Variants in NRAP observed in about 807,000 individuals in gnomAD.
NRAP encodes nebulin-related-anchoring protein.
A neutral mutation model predicts 225.9 loss-of-function variants in NRAP; 189 were observed. The observed-to-expected ratio is 0.84, with a 90% CI of 0.74 to 0.94. The LOEUF is 0.94. NRAP is among the 40% of genes least tolerant of loss of function. The pLI is 0.00. For missense variants in NRAP, 2,176 were observed against 2,168.7 expected (o/e 1.00, Z -0.07); for synonymous variants, 769 against 790.7 (o/e 0.97, Z 0.46).
chr10:113,655,086 T>C (rs1850225920), intron 4 of NRAP, among the ~76,000 whole-genome samples: 2 of 152,182 alleles, frequency 1.3e-5, no homozygotes, highest in South Asian at 4.1e-4. Flanking sequence ...TATTCATATG[T>C]GAAATTATAC....
intron 38 of NRAP, among the ~76,000 whole-genome samples, chr10:113,594,278 A>G (rs1355978691): frequency 6.6e-6 from 1 of 152,264 alleles, no homozygotes; most frequent in East Asian, 1.9e-4. Context: ...AATTGTGCGT[A>G]TTCTACACGC....
Position 113,598,050 on chromosome 10 carries a change from G to C in NRAP, c.4251C>G (p.Ile1417Met). Residue 1417 changes from isoleucine to methionine, a missense_variant, in exon 36 of 42, where the codon ATC becomes ATG. Transcript: ENST00000359988. Reference sequence around the variant, plus strand: ...CCAGCCATCCTATGCCCTTCATGCCGATCAGGTCTGACTTGTAGCGCAACT... The same window carrying C: ...CCAGCCATCCTATGCCCTTCATGCCCATCAGGTCTGACTTGTAGCGCAACT... ...QSELRYKSDL[I>M]GMKGIGWLAL... The C allele has an allele frequency of 6.2e-7, 1 of 1,613,392 alleles. No individual in the cohort carries two copies. Among genetic ancestry groups the C allele is most frequent in the South Asian group, 1.1e-5 (1 of 91,010 alleles).
intron 17 of NRAP, 96 bp from the exon 18 acceptor site, chr10:113,631,706 A>C: frequency 1.1e-6 from 1 of 923,910 alleles, no homozygotes; most frequent in South Asian, 1.5e-5. Flanking sequence ...CAATTCTGAA[A>C]AAACACCTCC....
chr10:113,654,600 G>T (rs1221135933), intron 4 of NRAP, among the ~76,000 whole-genome samples: 1 of 151,154 alleles, frequency 6.6e-6, no homozygotes, highest in Admixed American at 6.6e-5. Context: ...GAAATAAATA[G>T]CAATTAGAAA....
intron 26 of NRAP, among the ~76,000 whole-genome samples, chr10:113,617,017 C>G (rs546659566): frequency 1.3e-5 from 2 of 152,174 alleles, no homozygotes; most frequent in Non-Finnish European, 2.9e-5. Flanking sequence ...AAATCAGACC[C>G]AAATCATGTT....
chr10:113,624,716 T>C, intron 22 of NRAP, 110 bp downstream of exon 22: 1 of 757,052 alleles, frequency 1.3e-6, no homozygotes, highest in Non-Finnish European at 2.3e-6. Context: ...ACCAGATGTA[T>C]GTAACCTCAG....
intron 35 of NRAP, among the ~76,000 whole-genome samples, chr10:113,603,793 T>TC (rs1846753580): frequency 6.6e-6 from 1 of 152,096 alleles, no homozygotes; most frequent in East Asian, 1.9e-4. Flanking sequence ...GAGTTCCCTA[T>TC]CCCCTTCTGT....
chr10:113,619,740 A>T lies in NRAP; in HGVS notation c.2874+864T>A, dbSNP rs147694121. On this transcript the variant is annotated intron_variant, in intron 25 of 41. Transcript: ENST00000359988. ...AAAGACCAGGCCTACTCTGAAGACA[A>T]CTAGGCAAATGGTCACTTGTCTTCT... Among the ~76,000 whole-genome samples, 12 of 152,148 alleles carry T rather than the reference A, an allele frequency of 7.9e-5. No homozygotes were observed. The South Asian group carries it at 2.5e-3, about 32-fold the overall frequency.
intron 40 of NRAP, among the ~76,000 whole-genome samples, chr10:113,590,168 A>AT (rs1298097919): frequency 2.0e-5 from 3 of 152,106 alleles, no homozygotes; most frequent in Admixed American, 2.0e-4. Context: ...AATAGCTAAG[A>AT]TCCCTTGGAA....
At chr10:113,633,513 A>G (rs1848688868) in intron 15 of NRAP, among the ~76,000 whole-genome samples, 1 of 152,218 alleles carries the variant, frequency 6.6e-6, no homozygotes, top group African/African-American at 2.4e-5. Context: ...ATCTTGTTAT[A>G]GGCAGGGTAA....
chr10:113,626,785 G>A (rs561528128), intron 20 of NRAP, among the ~76,000 whole-genome samples: 5 of 152,312 alleles, frequency 3.3e-5, no homozygotes, highest in African/African-American at 1.2e-4. Flanking sequence ...CGCCTTCACA[G>A]TTTCTGATTT....
chr10:113,652,073 C>A (rs79021239), intron 6 of NRAP, among the ~76,000 whole-genome samples, 166 bp from the exon 7 acceptor site: 3,065 of 152,246 alleles, frequency 0.02, 110 homozygotes, highest in African/African-American at 0.07. Flanking sequence ...AGCATCTATG[C>A]CAATGTGCTA....
chr10:113,597,495 A>G (rs1846351264), intron 36 of NRAP, among the ~76,000 whole-genome samples: 1 of 152,208 alleles, frequency 6.6e-6, no homozygotes, highest in Admixed American at 6.5e-5. Flanking sequence ...TCCTGTCCAA[A>G]TACATTCTGT....
chr10:113,632,012 G>T, intron 16 of NRAP, 48 bp from the exon 17 acceptor site: 3 of 1,171,732 alleles, frequency 2.6e-6, no homozygotes, highest in Non-Finnish European at 3.8e-6. Flanking sequence ...CCATATTCCT[G>T]CCAAACGTCA....
rs1845921334 is a variant in NRAP, at chr10:113,590,690, C to G, written c.4844G>C (p.Ser1615Thr). The change falls in exon 40 of 42, where the codon AGC becomes ACC. Residue 1615 changes from serine to threonine, a missense_variant. Physicochemically the swap from Ser to Thr is moderately conservative, Grantham distance 58 (BLOSUM62 1). Transcript: ENST00000359988. ...GTGCACATCACTGGCCAGCTGCTGG[C>G]TCCTCTTGGCCTGAAGGAGGCCGGG... ...DQPGLLQAKR[S>T]QQLASDVHYR... 12 of 1,614,224 alleles carry G rather than the reference C, an allele frequency of 7.4e-6. No individual in the cohort carries two copies. The highest frequency in any genetic ancestry group is 1.0e-5 in the Non-Finnish European group (12 of 1,180,038).
intron 39 of NRAP, among the ~76,000 whole-genome samples, chr10:113,591,111 C>T (rs1412138097): frequency 1.3e-5 from 2 of 152,196 alleles, no homozygotes; most frequent in South Asian, 2.1e-4. Context: ...GAATGATCTA[C>T]ACCCCATAGG....
At chr10:113,608,996 T>TA (rs1380317699) in intron 31 of NRAP, among the ~76,000 whole-genome samples, 3 of 152,002 alleles carry the variant, frequency 2.0e-5, no homozygotes, top group African/African-American at 4.8e-5. Context: ...CTGTCTCTAC[T>TA]AAAAAATACA....
intron 35 of NRAP, among the ~76,000 whole-genome samples, chr10:113,598,974 A>T (rs563314760): frequency 4.6e-5 from 7 of 152,320 alleles, no homozygotes; most frequent in Non-Finnish European, 8.8e-5. Context: ...TGATCTGCCC[A>T]CCATTACCTA....
chr10:113,663,702 A>G (rs1355496696), intron 1 of NRAP, 109 bp downstream of exon 1: 11 of 845,032 alleles, frequency 1.3e-5, no homozygotes, highest in South Asian at 7.6e-5. Flanking sequence ...TTGTGGTTCA[A>G]AACAATTTAA....
Sources: allele counts gnomAD v4.1 joint callset (sites outside exome capture counted in the v4.1 genomes callset), GRCh38; gene constraint gnomAD v4.1.1; transcripts MANE v1.5; gene names NCBI Gene and HGNC (gene_info 2026-07-23, HGNC 2026-07-21).